TSHZ2: variants seen among roughly 807,000 people sequenced by gnomAD.
TSHZ2 encodes the protein teashirt homolog 2.
Under a neutral mutation model 74.4 loss-of-function variants are expected in TSHZ2, and 21 were observed. The observed-to-expected ratio is 0.28, with a 90% CI of 0.20 to 0.41. The LOEUF (loss-of-function observed/expected upper bound fraction) is 0.41, where lower values mean the gene tolerates loss of function less well. Among genes scored for constraint, TSHZ2 ranks in the 10% least tolerant of loss-of-function variants. The pLI is 1.00. For synonymous variants in TSHZ2, 540 were observed against 515.3 expected, an observed-to-expected ratio of 1.05 and a Z score of -0.65; for missense variants, 1,244 against 1,293.5, an observed-to-expected ratio of 0.96 and a Z score of 0.59.
chr20:53,042,012 A>G (rs1020777175), intron 1 of TSHZ2, among the ~76,000 whole-genome samples: 1 of 152,188 alleles, frequency 6.6e-6, no homozygotes, highest in African/African-American at 2.4e-5. Context: ...CTGGAAGGAA[A>G]TAAGCCTCTC....
intron 1 of TSHZ2, among the ~76,000 whole-genome samples, chr20:53,158,953 A>C (rs1987862482): frequency 6.6e-6 from 1 of 152,232 alleles, no homozygotes; most frequent in African/African-American, 2.4e-5. Flanking sequence ...CCTTCATTAC[A>C]TTTATTTTTA....
chr20:53,418,089 G>A (rs1165411652), intron 2 of TSHZ2, among the ~76,000 whole-genome samples: 2 of 152,214 alleles, frequency 1.3e-5, no homozygotes, highest in Non-Finnish European at 2.9e-5. Context: ...CCTTAGCTAG[G>A]ATGGTAAGGA....
chr20:53,417,087 C>T (rs933104407), intron 2 of TSHZ2, among the ~76,000 whole-genome samples: 3 of 152,160 alleles, frequency 2.0e-5, no homozygotes, highest in Non-Finnish European at 2.9e-5. Context: ...CACCCTCCCT[C>T]CTCCCCTGCA....
chr20:53,005,696 A>AGTATAAAGTAGAACAAAC (rs1330211781), intron 1 of TSHZ2, among the ~76,000 whole-genome samples: 3 of 152,190 alleles, frequency 2.0e-5, no homozygotes, highest in African/African-American at 7.2e-5. Context: ...GACATCTTGA[A>AGTATAAAGTAGAACAAAC]GTATAAAGTA....
chr20:53,050,694 T>G (rs897737120), intron 1 of TSHZ2, among the ~76,000 whole-genome samples: 6 of 152,296 alleles, frequency 3.9e-5, no homozygotes, highest in Middle Eastern at 3.4e-3. Flanking sequence ...ATAAAGCAAC[T>G]GAATAAAGAG....
chr20:53,008,089 T>C (rs188566045), intron 1 of TSHZ2, among the ~76,000 whole-genome samples: 5 of 152,244 alleles, frequency 3.3e-5, no homozygotes, highest in Admixed American at 6.5e-5. Flanking sequence ...TTTAAATCAA[T>C]ACATAATTAA....
chr20:53,317,421 G>A (rs1366902585), intron 2 of TSHZ2, among the ~76,000 whole-genome samples: 1 of 152,162 alleles, frequency 6.6e-6, no homozygotes, highest in African/African-American at 2.4e-5. Context: ...AACCACAGAA[G>A]CATGGGGCTC....
chr20:53,139,017 AT>A (rs1472544535), intron 1 of TSHZ2, among the ~76,000 whole-genome samples: 2 of 152,196 alleles, frequency 1.3e-5, no homozygotes, highest in Admixed American at 1.3e-4. Flanking sequence ...ACAATACACC[AT>A]CCTCCCTGCT....
intron 2 of TSHZ2, among the ~76,000 whole-genome samples, chr20:53,401,844 G>A (rs1982677048): frequency 7.6e-6 from 1 of 131,830 alleles, no homozygotes; most frequent in African/African-American, 3.0e-5. Flanking sequence ...GTGCAGTGGT[G>A]TGATCTTGGC....
intron 1 of TSHZ2, among the ~76,000 whole-genome samples, chr20:53,152,656 G>T (rs1443978862): frequency 1.3e-5 from 2 of 152,166 alleles, no homozygotes; most frequent in Non-Finnish European, 2.9e-5. Context: ...CAGGTATCTA[G>T]ATTGGATCTG....
At chr20:53,299,993 C>A (rs747883840) in intron 2 of TSHZ2, among the ~76,000 whole-genome samples, 5 of 152,234 alleles carry the variant, frequency 3.3e-5, no homozygotes, top group Non-Finnish European at 5.9e-5. Context: ...TTCCCTCGTG[C>A]TGTTCAGCTA....
intron 1 of TSHZ2, among the ~76,000 whole-genome samples, chr20:53,230,425 G>T (rs61289577): frequency 0.32 from 48,233 of 151,914 alleles, 8,075 homozygotes; most frequent in African/African-American, 0.43. Context: ...GCCACCAGGT[G>T]GTGGCTGTGT....
At chr20:53,427,847 G>A (rs570909708) in intron 2 of TSHZ2, among the ~76,000 whole-genome samples, 5 of 152,232 alleles carry the variant, frequency 3.3e-5, no homozygotes, top group Admixed American at 2.0e-4. Context: ...GAAAGGGATG[G>A]AAGGCCTAGA....
chr20:53,253,032 T>C (rs932387613), intron 1 of TSHZ2, among the ~76,000 whole-genome samples: 3 of 152,162 alleles, frequency 2.0e-5, no homozygotes, highest in Non-Finnish European at 4.4e-5. Flanking sequence ...TTTATTTATA[T>C]GGTTATATGC....
chr20:53,098,982 C>T (rs1316811070), intron 1 of TSHZ2, among the ~76,000 whole-genome samples: 1 of 152,136 alleles, frequency 6.6e-6, no homozygotes, highest in Non-Finnish European at 1.5e-5. Flanking sequence ...TAAGTCTTAG[C>T]GTGATTCCAT....
intron 2 of TSHZ2, among the ~76,000 whole-genome samples, chr20:53,442,079 G>C (rs1227267430): frequency 6.6e-6 from 1 of 152,194 alleles, no homozygotes; most frequent in Non-Finnish European, 1.5e-5. Flanking sequence ...GGCTTAGCTG[G>C]TAAGAAGGAG....
chr20:53,471,789 G>A (rs926191576), intron 2 of TSHZ2, among the ~76,000 whole-genome samples: 1 of 143,170 alleles, frequency 7.0e-6, no homozygotes, highest in Non-Finnish European at 1.5e-5. Context: ...AAGTGCCGTA[G>A]ACACTTTTCT....
chr20:53,062,252 A>G (rs943830051), intron 1 of TSHZ2, among the ~76,000 whole-genome samples: 8 of 152,230 alleles, frequency 5.3e-5, no homozygotes, highest in Admixed American at 2.6e-4. Context: ...ATAAAATAAG[A>G]CAATCACCAG....
intron 1 of TSHZ2, among the ~76,000 whole-genome samples, chr20:53,217,211 C>T (rs1989457914): frequency 6.6e-6 from 1 of 152,138 alleles, no homozygotes; most frequent in Non-Finnish European, 1.5e-5. Context: ...GCACCTGCCG[C>T]GGCCCCACCT....
Sources: allele counts gnomAD v4.1 joint callset (sites outside exome capture counted in the v4.1 genomes callset), GRCh38; gene constraint gnomAD v4.1.1; transcripts MANE v1.5; gene names NCBI Gene and HGNC (gene_info 2026-07-23, HGNC 2026-07-21).